Variants in NID1 observed in about 807,000 individuals in gnomAD.
NID1 encodes the protein nidogen 1.
A neutral mutation model predicts 130.6 loss-of-function variants in NID1; 76 were observed. That is an observed-to-expected ratio of 0.58 (90% CI 0.48 to 0.70). NID1 has a LOEUF of 0.70. Among genes scored for constraint, NID1 ranks in the 30% least tolerant of loss-of-function variants. The probability of loss-of-function intolerance (pLI) is 0.00; values close to 1 mark genes in which losing one functional copy is unlikely to be tolerated. For synonymous variants in NID1, 665 were observed against 675.1 expected, an observed-to-expected ratio of 0.98 and a Z score of 0.23; for missense variants, 1,517 against 1,664.8, an observed-to-expected ratio of 0.91 and a Z score of 1.54.
In NID1 at chr1:236,020,036, T is replaced by TAA. The variant is rs57925295; in HGVS notation, c.2129-2765_2129-2764dup. ...TGGGCGACAGAGCAAGACTCTGCCTTAAAAAAAAAAAAAAAAAAAAAACAA... is the reference window on the plus strand; with the variant it reads ...TGGGCGACAGAGCAAGACTCTGCCTTAAAAAAAAAAAAAAAAAAAAAAAACAA... On this transcript the variant is annotated intron_variant, in intron 9 of 19. Transcript: ENST00000264187. 4.6e-4 allele frequency among the ~76,000 whole-genome samples: 41 copies of TAA among 88,314 alleles called. 1 individual carries two copies. Among genetic ancestry groups the TAA allele is most frequent in the East Asian group, 9.5e-4 (3 of 3,148 alleles). The allele number at this position is 88,314 out of a possible 152,430, so 57.9% of individuals were successfully genotyped here. A position where few individuals can be genotyped will look rare whatever the true frequency, so the allele number is the denominator to read the frequency against.
chr1:235,990,458 G>A (rs543429972), intron 14 of NID1, among the ~76,000 whole-genome samples: 1 of 152,164 alleles, frequency 6.6e-6, no homozygotes, highest in Non-Finnish European at 1.5e-5. Context: ...GCCTTGTAGT[G>A]GAAGCCTGCA....
At chr1:236,024,332 G>A (rs944943794) in intron 8 of NID1, 119 bp from the exon 9 acceptor site, 52 of 1,194,836 alleles carry the variant, frequency 4.4e-5, no homozygotes, top group African/African-American at 9.1e-5. Context: ...AGAGCAGAGT[G>A]GAATGGGACA....
At chr1:235,990,777 CCCA>C (rs1657711030) in intron 14 of NID1, 106 bp downstream of exon 14, 26 of 1,221,788 alleles carry the variant, frequency 2.1e-5, no homozygotes, top group Non-Finnish European at 2.8e-5. Flanking sequence ...GGAATGAGCA[CCCA>C]TGGTTCCAGG....
At chr1:236,046,748 AG>A (rs1659613651) in intron 2 of NID1, among the ~76,000 whole-genome samples, 1 of 152,210 alleles carries the variant, frequency 6.6e-6, no homozygotes, top group African/African-American at 2.4e-5. Flanking sequence ...TTATCACCCA[AG>A]TGAAAGGGAG....
chr1:236,028,668 T>C (rs954895556), intron 7 of NID1, among the ~76,000 whole-genome samples: 2 of 150,760 alleles, frequency 1.3e-5, no homozygotes, highest in Non-Finnish European at 2.9e-5. Flanking sequence ...ATACAACTTA[T>C]TCTCAAATGG....
At chr1:235,988,478 CA>C (rs942369490) in intron 14 of NID1, among the ~76,000 whole-genome samples, 7 of 152,064 alleles carry the variant, frequency 4.6e-5, no homozygotes, top group African/African-American at 1.7e-4. Flanking sequence ...GGTTGTTCCT[CA>C]AAAAATTAAA....
chr1:236,039,833 G>A (rs1659394489), intron 4 of NID1, among the ~76,000 whole-genome samples: 2 of 152,138 alleles, frequency 1.3e-5, no homozygotes, highest in Admixed American at 1.3e-4. Context: ...AACACGTGAT[G>A]CCGCTGATTA....
At chr1:235,985,656 G>T in intron 14 of NID1, 151 bp from the exon 15 acceptor site, 1 of 885,288 alleles carries the variant, frequency 1.1e-6, no homozygotes, top group Non-Finnish European at 1.7e-6. Flanking sequence ...AGTTGTAGGA[G>T]TTGTTCGTAT....
intron 1 of NID1, among the ~76,000 whole-genome samples, chr1:236,060,248 A>G (rs1451727131): frequency 2.6e-5 from 4 of 152,134 alleles, no homozygotes; most frequent in African/African-American, 9.7e-5. Flanking sequence ...ATATAGGGTA[A>G]CTTTCTGACA....
chr1:236,012,127 A>G, intron 11 of NID1, 84 bp from the exon 12 acceptor site: 1 of 1,529,080 alleles, frequency 6.5e-7, no homozygotes, highest in Non-Finnish European at 8.9e-7. Flanking sequence ...CACTTACTCA[A>G]ATCTATGGGA....
intron 14 of NID1, among the ~76,000 whole-genome samples, chr1:235,987,179 C>CA (rs559602519): frequency 7.9e-4 from 120 of 152,242 alleles, no homozygotes; most frequent in African/African-American, 2.8e-3. Context: ...AATTACCTGC[C>CA]AGTAACTCAT....
chr1:235,981,117 A>G (rs1392670837), intron 16 of NID1, among the ~76,000 whole-genome samples: 1 of 152,202 alleles, frequency 6.6e-6, no homozygotes, highest in African/African-American at 2.4e-5. Context: ...GTGGTCTCAA[A>G]GGGAAGGAAT....
chr1:235,980,552 A>T lies in NID1; in HGVS notation c.3329T>A (p.Leu1110Ter). ...RRILVQDDLG[L>*]PNGLTFDAFS... ...CGCATCGAAGGTCAGTCCATTGGGC[A>T]AGCCCAGGTCATCCTGCACAAGGAT... is the stretch of plus-strand genomic sequence containing the variant. The change falls in exon 17 of 20, where the codon TTG becomes TAG. Residue 1110 changes from leucine (L) to a stop codon, truncating the protein, a stop_gained. Coordinates refer to ENST00000264187, the MANE Select transcript of NID1 (RefSeq NM_002508.3). LOFTEE classifies it high-confidence loss of function. 1 of 1,614,208 alleles carries T rather than the reference A, an allele frequency of 6.2e-7. No individual in the cohort carries two copies. Among genetic ancestry groups the T allele is most frequent in the Non-Finnish European group, 8.5e-7 (1 of 1,180,032 alleles).
rs538492028 is a variant in NID1, at chr1:236,000,502, C to T, written c.2528-6630G>A. Among the ~76,000 whole-genome samples, 4 of 152,276 alleles carry T rather than the reference C, an allele frequency of 2.6e-5. No individual in the cohort carries two copies. In the East Asian group the frequency reaches 5.8e-4, roughly 22 times the overall value. On this transcript the variant is annotated intron_variant, in intron 12 of 19. Transcript: ENST00000264187. ...TACACTTGGCTCCCAGTTGTCCCACCTTTCTGGACCAAACCAACATACATC... is the reference window on the plus strand; with the variant it reads ...TACACTTGGCTCCCAGTTGTCCCACTTTTCTGGACCAAACCAACATACATC...
At position 236,029,487 on chromosome 1, in the gene NID1, G is replaced by A; in HGVS notation, c.1738+63C>T. ...AGCCCCAGTTCACGGCTGCCGTGGT[G>A]GGTCAAGAGCACGAGGCTAGTGGCC... On this transcript the variant is annotated intron_variant, in intron 7 of 19. Transcript: ENST00000264187. The A allele has an allele frequency of 2.0e-6, 3 of 1,483,258 alleles. No homozygotes were observed. In the South Asian group the frequency reaches 3.6e-5, roughly 18 times the overall value. The allele number at this position is 1,483,258 out of a possible 1,614,324, so 91.9% of individuals were successfully genotyped here.
Position 235,990,927 on chromosome 1 carries a change from T to A in NID1, c.2887A>T (p.Thr963Ser). Residue 963 changes from threonine to serine, a missense_variant, in exon 14 of 20, where the codon ACC (threonine) becomes TCC (serine). Thr to Ser is a moderately conservative substitution (Grantham distance 58, BLOSUM62 1). Transcript: ENST00000264187. ...GCCTTTGCTTCTGTCTTCCTCATGG[T>A]ATTTCCCTCCAGGGGCAGGCGCTCA... ...KIERLPLEGNTMRKTEAKAFL... is the reference protein window; with the variant it reads ...KIERLPLEGNSMRKTEAKAFL... The A allele has an allele frequency of 2.5e-6, 4 of 1,614,096 alleles. No homozygotes were observed. Among genetic ancestry groups the A allele is most frequent in the Non-Finnish European group, 3.4e-6 (4 of 1,180,024 alleles).
Position 235,979,807 on chromosome 1 carries a change from C to G in NID1, c.3509+15G>C. ...GGGCAGGCCCACGCAGCCCCCATGG[C>G]TACAGCTGACGTACATCTTCCAGTC... is the stretch of plus-strand genomic sequence containing the variant. On this transcript the variant is annotated intron_variant, in intron 18 of 19. Coordinates refer to ENST00000264187, the MANE Select transcript of NID1 (RefSeq NM_002508.3). This position sits in a 1 kb window ranked among gnomAD's most constrained non-coding sequence, Gnocchi z 4.6. 1 of 1,612,930 alleles carries G rather than the reference C, an allele frequency of 6.2e-7. No individual in the cohort carries two copies. Among genetic ancestry groups the G allele is most frequent in the Non-Finnish European group, 8.5e-7 (1 of 1,179,284 alleles).
chr1:236,056,930 G>A (rs995589027), intron 1 of NID1, among the ~76,000 whole-genome samples: 5 of 151,980 alleles, frequency 3.3e-5, no homozygotes, highest in African/African-American at 9.7e-5. Flanking sequence ...AGTATTGCAC[G>A]GCAGTTACCA....
intron 12 of NID1, among the ~76,000 whole-genome samples, chr1:235,994,554 A>T (rs1327454892): frequency 6.6e-6 from 1 of 152,260 alleles, no homozygotes; most frequent in African/African-American, 2.4e-5. Flanking sequence ...CCTGCTTCAT[A>T]TTCATGGCTG....
Sources: allele counts gnomAD v4.1 joint callset (sites outside exome capture counted in the v4.1 genomes callset), GRCh38; gene constraint gnomAD v4.1.1; non-coding constraint Gnocchi (gnomAD v3.1); transcripts MANE v1.5; gene names NCBI Gene and HGNC (gene_info 2026-07-23, HGNC 2026-07-21).